Variants in WDR7 observed in about 807,000 individuals in gnomAD.
WDR7 encodes the protein WD repeat-containing protein 7.
WDR7 carries 46 observed loss-of-function variants against 169.4 expected under a neutral mutation model. The observed-to-expected ratio is 0.27, with a 90% confidence interval of 0.21 to 0.35. The LOEUF (loss-of-function observed/expected upper bound fraction) is 0.35. Ranked by LOEUF, WDR7 falls within the 10% of genes least tolerant of loss-of-function variation. The probability of loss-of-function intolerance (pLI) is 1.00; values close to 1 mark genes in which losing one functional copy is unlikely to be tolerated. For missense variants in WDR7, 1,534 were observed against 1,859.3 expected, an observed-to-expected ratio of 0.83 and a Z score of 3.22; for synonymous variants, 612 against 666.8, an observed-to-expected ratio of 0.92 and a Z score of 1.27.
At chr18:56,903,815 G>T (rs952229668) in intron 21 of WDR7, among the ~76,000 whole-genome samples, 1 of 152,128 alleles carries the variant, frequency 6.6e-6, no homozygotes, top group East Asian at 1.9e-4. Flanking sequence ...TCTCACTGGT[G>T]ATAAGCAATC....
intron 19 of WDR7, among the ~76,000 whole-genome samples, chr18:56,785,824 CTTTT>C (rs1213980970): frequency 7.3e-6 from 1 of 137,450 alleles, no homozygotes; most frequent in Admixed American, 7.2e-5. Context: ...TTCTTTTTTT[CTTTT>C]TCTTTTTTTT....
intron 26 of WDR7, among the ~76,000 whole-genome samples, chr18:56,968,327 A>G (rs1251060963): frequency 6.6e-6 from 1 of 152,202 alleles, no homozygotes. Context: ...AATAAAAAAA[A>G]CTTTAAAAAT....
intron 14 of WDR7, among the ~76,000 whole-genome samples, chr18:56,743,973 C>T (rs2043660361): frequency 6.6e-6 from 1 of 151,826 alleles, no homozygotes; most frequent in African/African-American, 2.4e-5. Flanking sequence ...AGGCTGGGGC[C>T]GGGCGCGGTG....
intron 21 of WDR7, among the ~76,000 whole-genome samples, chr18:56,901,091 G>A (rs1164085067): frequency 6.6e-6 from 1 of 152,104 alleles, no homozygotes; most frequent in African/African-American, 2.4e-5. Context: ...TTTATTATCT[G>A]CTTGGTTCTT....
intron 14 of WDR7, among the ~76,000 whole-genome samples, chr18:56,744,194 G>C (rs1240131776): frequency 7.0e-6 from 1 of 143,766 alleles, no homozygotes; most frequent in Non-Finnish European, 1.5e-5. Context: ...AGCCGAGATC[G>C]CGCCACTGCA....
At chr18:56,902,456 A>G (rs982818104) in intron 21 of WDR7, among the ~76,000 whole-genome samples, 5 of 152,144 alleles carry the variant, frequency 3.3e-5, no homozygotes, top group Non-Finnish European at 7.4e-5. Flanking sequence ...TTGAAATGTT[A>G]TTGTCTTATT....
At chr18:56,825,865 T>G (rs2045193540) in intron 20 of WDR7, among the ~76,000 whole-genome samples, 1 of 152,216 alleles carries the variant, frequency 6.6e-6, no homozygotes, top group Non-Finnish European at 1.5e-5. Flanking sequence ...CTAGATAAAC[T>G]AGAATTTCTA....
intron 14 of WDR7, among the ~76,000 whole-genome samples, chr18:56,733,214 G>C (rs754681573): frequency 3.3e-5 from 5 of 152,138 alleles, no homozygotes. Flanking sequence ...GGCCTACAAG[G>C]AAAACAATTA....
intron 16 of WDR7, among the ~76,000 whole-genome samples, chr18:56,770,823 G>T (rs1169580081): frequency 1.3e-5 from 2 of 151,808 alleles, no homozygotes; most frequent in African/African-American, 4.8e-5. Context: ...AGAATCTTTG[G>T]ACATTGCATT....
chr18:56,746,380 G>C (rs919209177), intron 14 of WDR7, among the ~76,000 whole-genome samples: 1 of 152,176 alleles, frequency 6.6e-6, no homozygotes. Context: ...TAGAAAGGAC[G>C]GGGTAGGAAA....
intron 14 of WDR7, among the ~76,000 whole-genome samples, chr18:56,754,020 A>G (rs2043834565): frequency 6.6e-6 from 1 of 152,086 alleles, no homozygotes. Context: ...ATATAGCAAT[A>G]CAAACAAAAT....
At chr18:57,002,803 T>C (rs1464664466) in intron 26 of WDR7, among the ~76,000 whole-genome samples, 1 of 152,246 alleles carries the variant, frequency 6.6e-6, no homozygotes, top group Admixed American at 6.5e-5. Flanking sequence ...AATGAGGGAA[T>C]CACAGCAGGA....
chr18:56,757,460 C>T (rs2144946109), intron 15 of WDR7, 108 bp downstream of exon 15: 1 of 1,105,470 alleles, frequency 9.0e-7, no homozygotes, highest in Non-Finnish European at 1.3e-6. Context: ...TTTATTATTT[C>T]AGTGTCATCT....
At chr18:56,929,441 C>A (rs1285683520) in intron 22 of WDR7, among the ~76,000 whole-genome samples, 1 of 152,182 alleles carries the variant, frequency 6.6e-6, no homozygotes, top group Non-Finnish European at 1.5e-5. Flanking sequence ...TGAATAAAGT[C>A]ATGGGATTTA....
intron 20 of WDR7, among the ~76,000 whole-genome samples, chr18:56,849,392 C>T (rs1485184989): frequency 1.3e-5 from 2 of 152,170 alleles, no homozygotes; most frequent in Non-Finnish European, 1.5e-5. Context: ...TTTTGCTGCT[C>T]ATTTCTTAAA....
At chr18:56,908,512 G>A (rs188521078) in intron 21 of WDR7, among the ~76,000 whole-genome samples, 1 of 152,244 alleles carries the variant, frequency 6.6e-6, no homozygotes, top group African/African-American at 2.4e-5. Flanking sequence ...CCTAAGTGTG[G>A]AATATGACAT....
chr18:56,910,122 A>G (rs2046533244), intron 21 of WDR7, among the ~76,000 whole-genome samples: 1 of 152,202 alleles, frequency 6.6e-6, no homozygotes, highest in Admixed American at 6.6e-5. Context: ...CAAAATTAGG[A>G]TGGAATATTT....
intron 26 of WDR7, among the ~76,000 whole-genome samples, chr18:56,987,814 C>G (rs910249247): frequency 6.6e-6 from 1 of 152,158 alleles, no homozygotes; most frequent in African/African-American, 2.4e-5. Context: ...CCCTTGCAGA[C>G]TTAATACTTA....
intron 26 of WDR7, among the ~76,000 whole-genome samples, chr18:57,012,373 A>AAGGG (rs1306515807): frequency 6.6e-6 from 1 of 152,116 alleles, no homozygotes; most frequent in African/African-American, 2.4e-5. Context: ...CCAGGATAGG[A>AAGGG]AGGGAGGTTG....
Sources: gnomAD v4.1 joint callset for allele counts (sites outside exome capture counted in the v4.1 genomes callset) on GRCh38, gnomAD v4.1.1 for gene constraint, MANE v1.5 for transcripts, NCBI Gene and HGNC (gene_info 2026-07-23, HGNC 2026-07-21) for gene names.